The following DLGAP2 variants were observed in gnomAD, a reference collection of about 807,000 sequenced individuals.
The protein encoded by DLGAP2 is DLG associated protein 2.
In DLGAP2, 26 loss-of-function variants were observed where a neutral mutation model predicts 100.3. The ratio of observed to expected loss-of-function variants is 0.26; its 90% CI spans 0.19 to 0.36. DLGAP2 has a LOEUF of 0.36. DLGAP2 is among the 10% of genes least tolerant of loss of function. DLGAP2 has a pLI of 1.00. For missense variants in DLGAP2, 1,858 were observed against 1,453.2 expected (o/e 1.28, Z -4.53); for synonymous variants, 886 against 630.1 (o/e 1.41, Z -6.08).
chr8:1,087,551 C>G (rs1804015426), intron 2 of DLGAP2, among the ~76,000 whole-genome samples: 2 of 103,924 alleles, frequency 1.9e-5, no homozygotes, highest in South Asian at 2.7e-4. Flanking sequence ...TTCTCTCTCT[C>G]TCTTTTTTTT....
intron 6 of DLGAP2, among the ~76,000 whole-genome samples, chr8:1,596,687 G>T (rs1796469030): frequency 6.6e-6 from 1 of 151,964 alleles, no homozygotes; most frequent in Non-Finnish European, 1.5e-5. Context: ...AGAAATGCCT[G>T]TTCATATCGT....
At chr8:1,194,095 G>A (rs1184389813) in intron 2 of DLGAP2, among the ~76,000 whole-genome samples, 3 of 152,034 alleles carry the variant, frequency 2.0e-5, no homozygotes, top group Admixed American at 1.3e-4. Flanking sequence ...AGTATACCAA[G>A]TCCAGTTTTG....
intron 3 of DLGAP2, among the ~76,000 whole-genome samples, chr8:1,480,515 C>G (rs1799060737): frequency 6.6e-6 from 1 of 152,190 alleles, no homozygotes. Context: ...CCTAGTCCAT[C>G]ACTCATCAGT....
At chr8:1,368,357 A>G (rs992493253) in intron 3 of DLGAP2, among the ~76,000 whole-genome samples, 2 of 151,154 alleles carry the variant, frequency 1.3e-5, no homozygotes, top group African/African-American at 2.4e-5. Context: ...GTGTGTATAT[A>G]TGTGTATGGG....
intron 3 of DLGAP2, among the ~76,000 whole-genome samples, chr8:1,293,308 C>A (rs1800101465): frequency 6.6e-6 from 1 of 152,218 alleles, no homozygotes; most frequent in South Asian, 2.1e-4. Context: ...AGCCAGGCAG[C>A]AGCAGGCTGG....
At chr8:1,452,181 T>G (rs1798180189) in intron 3 of DLGAP2, among the ~76,000 whole-genome samples, 2 of 152,246 alleles carry the variant, frequency 1.3e-5, no homozygotes, top group South Asian at 4.1e-4. Context: ...CGTGGCTGGA[T>G]GTTCTGTGGC....
Position 869,464 on chromosome 8 carries a change from G to A in DLGAP2, c.19-38448G>A, listed in dbSNP as rs140143129. On this transcript the variant is annotated intron_variant, in intron 1 of 14. Transcript: ENST00000637795. ...ATTTGGTTTACGTTTGTACGCTGAG[G>A]GCTCAAATATACAGTAATTAAAATA... Among the ~76,000 whole-genome samples, 447 of 152,168 alleles carry A rather than the reference G, an allele frequency of 2.9e-3. 1 individual carries two copies. Among genetic ancestry groups the A allele is most frequent in the Non-Finnish European group, 4.5e-3 (303 of 68,006 alleles).
chr8:1,207,049 C>G (rs1337121702), intron 2 of DLGAP2, among the ~76,000 whole-genome samples: 1 of 152,210 alleles, frequency 6.6e-6, no homozygotes, highest in Middle Eastern at 3.2e-3. Flanking sequence ...CCTCTCCATT[C>G]CTAGATGTGT....
chr8:1,244,397 C>T (rs192308319), intron 2 of DLGAP2, among the ~76,000 whole-genome samples: 1 of 152,288 alleles, frequency 6.6e-6, no homozygotes, highest in East Asian at 1.9e-4. Context: ...ATATGAGCTC[C>T]TGAGGAGGAA....
chr8:835,367 A>T (rs1381981388), intron 1 of DLGAP2, among the ~76,000 whole-genome samples: 1 of 152,074 alleles, frequency 6.6e-6, no homozygotes, highest in Non-Finnish European at 1.5e-5. Flanking sequence ...CTCCAGAGAC[A>T]TTGGGAGAAA....
At chr8:1,272,206 T>G (rs1436362982) in intron 3 of DLGAP2, among the ~76,000 whole-genome samples, 3 of 152,290 alleles carry the variant, frequency 2.0e-5, no homozygotes, top group Non-Finnish European at 2.9e-5. Flanking sequence ...TACCCTCATT[T>G]TAGGTAAAAT....
chr8:1,687,882 T>C (rs571474972), intron 12 of DLGAP2, among the ~76,000 whole-genome samples: 1 of 152,332 alleles, frequency 6.6e-6, no homozygotes, highest in South Asian at 2.1e-4. Flanking sequence ...AACGACTTAC[T>C]TAAAATAGTC....
chr8:1,268,489 G>C (rs563878216), intron 3 of DLGAP2, among the ~76,000 whole-genome samples: 1 of 152,206 alleles, frequency 6.6e-6, no homozygotes, highest in Non-Finnish European at 1.5e-5. Context: ...TGTCTTCCGC[G>C]TTAGAGTGTC....
chr8:1,132,958 C>T (rs1796327714), intron 2 of DLGAP2, among the ~76,000 whole-genome samples: 1 of 152,126 alleles, frequency 6.6e-6, no homozygotes, highest in African/African-American at 2.4e-5. Flanking sequence ...TCTCCAAGGC[C>T]CTCAGGGAGA....
chr8:1,358,796 C>T (rs544838350), intron 3 of DLGAP2, among the ~76,000 whole-genome samples: 62 of 152,110 alleles, frequency 4.1e-4, no homozygotes, highest in African/African-American at 1.4e-3. Context: ...GGCCTGGAAC[C>T]GAACTGCCTG....
chr8:1,182,521 C>T (rs1797412157), intron 2 of DLGAP2, among the ~76,000 whole-genome samples: 1 of 152,330 alleles, frequency 6.6e-6, no homozygotes. Context: ...GCATTTAATG[C>T]TCACACGTGT....
intron 2 of DLGAP2, among the ~76,000 whole-genome samples, chr8:972,057 T>A (rs1279763004): frequency 6.6e-6 from 1 of 152,140 alleles, no homozygotes; most frequent in Non-Finnish European, 1.5e-5. Flanking sequence ...ATTTAAGAAG[T>A]CATCTTGGGG....
intron 6 of DLGAP2, among the ~76,000 whole-genome samples, chr8:1,625,405 C>A (rs1797466047): frequency 6.6e-6 from 1 of 152,186 alleles, no homozygotes; most frequent in South Asian, 2.1e-4. Flanking sequence ...AGGGTTCTTC[C>A]ATGCTTTTAA....
intron 6 of DLGAP2, among the ~76,000 whole-genome samples, chr8:1,569,446 C>T (rs899257217): frequency 2.0e-5 from 3 of 152,210 alleles, no homozygotes; most frequent in East Asian, 1.9e-4. Context: ...TGAAAGTCCT[C>T]GAAACTCCTC....
Sources: allele counts gnomAD v4.1 joint callset (sites outside exome capture counted in the v4.1 genomes callset), GRCh38; gene constraint gnomAD v4.1.1; transcripts MANE v1.5; gene names NCBI Gene and HGNC (gene_info 2026-07-23, HGNC 2026-07-21).